SGCD: variants seen among roughly 807,000 people sequenced by gnomAD.
SGCD encodes sarcoglycan delta.
SGCD carries 18 observed loss-of-function variants against 36.6 expected under a neutral mutation model. That is an observed-to-expected ratio of 0.49 (90% CI 0.34 to 0.73). The LOEUF is 0.73. Among genes scored for constraint, SGCD ranks in the 30% least tolerant of loss-of-function variants. The pLI is 0.01. For synonymous variants in SGCD, 133 were observed against 130.6 expected (o/e 1.02, Z -0.12); for missense variants, 387 against 346.7 (o/e 1.12, Z -0.92).
At chr5:156,507,155 G>A (rs1268943233) in intron 3 of SGCD, among the ~76,000 whole-genome samples, 1 of 152,200 alleles carries the variant, frequency 6.6e-6, no homozygotes, top group Non-Finnish European at 1.5e-5. Flanking sequence ...ATTGCAGATA[G>A]AATTACAATT....
intron 6 of SGCD, among the ~76,000 whole-genome samples, chr5:156,604,726 A>ATATGTATATATACATATATACACATTT (rs1561808523): frequency 4.5e-5 from 5 of 110,084 alleles, no homozygotes; most frequent in Non-Finnish European, 7.4e-5. Flanking sequence ...TATGCACATT[A>ATATGTATATATACATATATACACATTT]TATATGTATA....
At chr5:156,051,178 CAGAG>C (rs1296413619) in intron 1 of SGCD, among the ~76,000 whole-genome samples, 1 of 146,016 alleles carries the variant, frequency 6.8e-6, no homozygotes, top group Admixed American at 6.8e-5. Context: ...TTATTAAAAA[CAGAG>C]AGAAACCAAG....
intron 1 of SGCD, among the ~76,000 whole-genome samples, chr5:155,955,912 C>G (rs193232354): frequency 1.6e-3 from 250 of 152,150 alleles, no homozygotes; most frequent in African/African-American, 5.8e-3. Context: ...ACTGAGTTAG[C>G]CCTAAAGTAA....
intron 4 of SGCD, among the ~76,000 whole-genome samples, chr5:156,512,336 T>A (rs1415672964): frequency 6.6e-6 from 1 of 152,222 alleles, no homozygotes; most frequent in Non-Finnish European, 1.5e-5. Flanking sequence ...ACCATATGTA[T>A]TTTTACTGTA....
chr5:155,965,492 G>C (rs1755240422), intron 1 of SGCD, among the ~76,000 whole-genome samples: 1 of 152,090 alleles, frequency 6.6e-6, no homozygotes, highest in African/African-American at 2.4e-5. Flanking sequence ...ATTGTAGAGA[G>C]ACAAAAGCTG....
chr5:156,362,543 G>C (rs1471126031), intron 3 of SGCD, among the ~76,000 whole-genome samples: 2 of 152,146 alleles, frequency 1.3e-5, no homozygotes, highest in Non-Finnish European at 2.9e-5. Flanking sequence ...CTACTCGAGA[G>C]GCTGAGGCAG....
intron 1 of SGCD, among the ~76,000 whole-genome samples, chr5:156,107,413 C>G (rs993177908): frequency 1.3e-5 from 2 of 152,148 alleles, no homozygotes; most frequent in African/African-American, 4.8e-5. Context: ...GTTAAAGTCT[C>G]TGTATAGTTA....
At chr5:156,028,486 A>G (rs1363707462) in intron 1 of SGCD, among the ~76,000 whole-genome samples, 1 of 152,174 alleles carries the variant, frequency 6.6e-6, no homozygotes, top group African/African-American at 2.4e-5. Context: ...AAATGATAGC[A>G]ATAATTTTTA....
chr5:155,782,581 G>T, the SGCD span, among the ~76,000 whole-genome samples: 1 of 152,058 alleles, frequency 6.6e-6, no homozygotes, highest in African/African-American at 2.4e-5. Context: ...TACTGAAAAG[G>T]AGTTTTTTCC....
At chr5:155,898,790 G>C (rs761093514) in intron 1 of SGCD, among the ~76,000 whole-genome samples, 5 of 152,196 alleles carry the variant, frequency 3.3e-5, no homozygotes, top group Non-Finnish European at 7.3e-5. Context: ...AAGACAGGCA[G>C]TTGGAGTGGC....
the SGCD span, among the ~76,000 whole-genome samples, chr5:155,792,536 A>G: frequency 6.6e-6 from 1 of 152,084 alleles, no homozygotes; most frequent in Non-Finnish European, 1.5e-5. Context: ...CAGAATCTAC[A>G]AGGAACTTAA....
intron 3 of SGCD, among the ~76,000 whole-genome samples, chr5:156,193,800 T>C (rs1763953105): frequency 6.6e-6 from 1 of 152,176 alleles, no homozygotes; most frequent in Non-Finnish European, 1.5e-5. Context: ...TCTGGAGCCT[T>C]ATGCATGTGC....
intron 6 of SGCD, among the ~76,000 whole-genome samples, chr5:156,606,004 A>C (rs939020157): frequency 3.8e-4 from 58 of 151,910 alleles, no homozygotes; most frequent in African/African-American, 1.3e-3. Flanking sequence ...TTGCCCGTTC[A>C]CTCTGATGGT....
At chr5:156,406,036 G>GAAAAAAAAAAAAAAAAAAAAAAAA (rs79259925) in intron 3 of SGCD, among the ~76,000 whole-genome samples, 1 of 136,604 alleles carries the variant, frequency 7.3e-6, no homozygotes, top group African/African-American at 2.8e-5. Context: ...AAAAAAAAAG[G>GAAAAAAAAAAAAAAAAAAAAAAAA]CCTCTGGGCA....
intron 1 of SGCD, among the ~76,000 whole-genome samples, chr5:156,056,654 A>AAAACAAAAAAAAAC (rs1554115103): frequency 2.9e-5 from 4 of 137,832 alleles, no homozygotes; most frequent in African/African-American, 1.1e-4. Flanking sequence ...TTAAAAAAAA[A>AAAACAAAAAAAAAC]AAAAAAAAAA....
At chr5:156,167,913 T>C (rs4704981) in intron 3 of SGCD, among the ~76,000 whole-genome samples, 101,744 of 152,100 alleles carry the variant, frequency 0.67, 34,379 homozygotes, top group East Asian at 0.94. Context: ...GCATAGATAG[T>C]TCACCTTGGT....
chr5:155,770,410 G>A, the SGCD span, among the ~76,000 whole-genome samples: 8 of 152,074 alleles, frequency 5.3e-5, no homozygotes, highest in African/African-American at 1.9e-4. Flanking sequence ...ATGGAATATC[G>A]CATAGAAGCA....
chr5:156,185,212 CTTT>C (rs755578762), intron 3 of SGCD, among the ~76,000 whole-genome samples: 50,859 of 112,028 alleles, frequency 0.45, 9,776 homozygotes, highest in East Asian at 0.56. Context: ...CTTTAATTTT[CTTT>C]TTTTTTTTTT....
At chr5:156,187,197 A>G (rs149201248) in intron 3 of SGCD, among the ~76,000 whole-genome samples, 67 of 152,278 alleles carry the variant, frequency 4.4e-4, no homozygotes, top group Non-Finnish European at 8.2e-4. Context: ...AGCAGAGAGG[A>G]AAAAGATCCT....
Sources: allele counts gnomAD v4.1 joint callset (sites outside exome capture counted in the v4.1 genomes callset), GRCh38; gene constraint gnomAD v4.1.1; transcripts MANE v1.5; gene names NCBI Gene and HGNC (gene_info 2026-07-23, HGNC 2026-07-21).